Variants in ASIC2 observed in about 807,000 individuals in gnomAD.
The protein encoded by ASIC2 is acid-sensing ion channel 2.
Under a neutral mutation model 57.3 loss-of-function variants are expected in ASIC2, and 25 were observed. The observed-to-expected ratio is 0.44, with a 90% CI of 0.32 to 0.61. The LOEUF (loss-of-function observed/expected upper bound fraction) is 0.61. Ranked by LOEUF, ASIC2 falls within the 20% of genes least tolerant of loss-of-function variation. ASIC2 has a pLI of 0.06. For synonymous variants in ASIC2, 319 were observed against 307.5 expected, an observed-to-expected ratio of 1.04 and a Z score of -0.39; for missense variants, 641 against 738.1, an observed-to-expected ratio of 0.87 and a Z score of 1.52.
intron 1 of ASIC2, among the ~76,000 whole-genome samples, chr17:33,231,287 G>A (rs1332680456): frequency 6.6e-6 from 1 of 152,196 alleles, no homozygotes; most frequent in Non-Finnish European, 1.5e-5. Context: ...TGCCTCCCAG[G>A]CCTAGGCCTA....
At position 33,412,174 on chromosome 17, in the gene ASIC2, C is replaced by T. The variant is rs114728853; in HGVS notation, c.556-300107G>A. ...GGCCAGTTTTCATCGCTCCTTGATC[C>T]TATTGCTTTTTCTCAAGCTAAAAAG... On this transcript the variant is annotated intron_variant, in intron 1 of 9. Coordinates refer to the ASIC2 transcript ENST00000359872. 4.5e-3 allele frequency among the ~76,000 whole-genome samples: 691 copies of T among 152,294 alleles called. 5 individuals are homozygous for T. Among genetic ancestry groups the T allele is most frequent in the African/African-American group, 0.016 (656 of 41,550 alleles).
At chr17:33,755,965 T>A (rs1294242271) in intron 1 of ASIC2, among the ~76,000 whole-genome samples, 4 of 151,896 alleles carry the variant, frequency 2.6e-5, no homozygotes, top group African/African-American at 9.7e-5. Context: ...GGGAAGGGAG[T>A]GGGCATCATG....
intron 1 of ASIC2, among the ~76,000 whole-genome samples, chr17:33,610,163 C>T (rs930083995): frequency 3.3e-5 from 5 of 151,876 alleles, no homozygotes; most frequent in African/African-American, 4.8e-5. Context: ...CCCTATTTTG[C>T]CTCTGTTTTT....
At chr17:33,097,159 C>A (rs1020148856) in intron 2 of ASIC2, among the ~76,000 whole-genome samples, 10 of 152,308 alleles carry the variant, frequency 6.6e-5, no homozygotes, top group Admixed American at 5.2e-4. Flanking sequence ...CATCACTGAC[C>A]ACATTCTTCA....
chr17:33,460,310 G>A (rs1912592328), intron 1 of ASIC2, among the ~76,000 whole-genome samples: 1 of 152,302 alleles, frequency 6.6e-6, no homozygotes, highest in South Asian at 2.1e-4. Context: ...AAGGGGATGG[G>A]GTGGATGGGC....
chr17:33,143,274 C>T (rs1904404739), intron 1 of ASIC2, among the ~76,000 whole-genome samples: 1 of 152,134 alleles, frequency 6.6e-6, no homozygotes, highest in Non-Finnish European at 1.5e-5. Context: ...ATAGGTTGGA[C>T]TTGAGGTGTG....
chr17:33,814,486 T>C (rs1912520837), intron 1 of ASIC2, among the ~76,000 whole-genome samples: 1 of 152,210 alleles, frequency 6.6e-6, no homozygotes, highest in African/African-American at 2.4e-5. Flanking sequence ...AATTTATTGA[T>C]TGACTCTTCA....
At chr17:33,564,911 T>C (rs1053271190) in intron 1 of ASIC2, among the ~76,000 whole-genome samples, 6 of 152,252 alleles carry the variant, frequency 3.9e-5, no homozygotes, top group African/African-American at 1.4e-4. Flanking sequence ...TAGCCCAACC[T>C]ATTCCTTTAA....
chr17:33,548,370 G>C (rs776146979), intron 1 of ASIC2, among the ~76,000 whole-genome samples: 1 of 152,210 alleles, frequency 6.6e-6, no homozygotes, highest in Non-Finnish European at 1.5e-5. Context: ...ATGGGCTAAA[G>C]ATACGCTCAG....
intron 1 of ASIC2, among the ~76,000 whole-genome samples, chr17:33,481,609 G>A (rs542310635): frequency 2.6e-5 from 4 of 152,140 alleles, no homozygotes; most frequent in South Asian, 2.1e-4. Context: ...AGAAATAGTC[G>A]TTGAATAATT....
intron 1 of ASIC2, among the ~76,000 whole-genome samples, chr17:33,957,254 C>T (rs1273812454): frequency 6.6e-6 from 1 of 152,152 alleles, no homozygotes; most frequent in Non-Finnish European, 1.5e-5. Flanking sequence ...TCCAGGCAAC[C>T]TCAAGCACAA....
intron 1 of ASIC2, among the ~76,000 whole-genome samples, chr17:33,380,063 T>G (rs559477662): frequency 2.0e-5 from 3 of 151,934 alleles, no homozygotes; most frequent in African/African-American, 7.2e-5. Flanking sequence ...CTGGCCAGCA[T>G]AGTGAAACCC....
chr17:33,558,566 G>A (rs954422198), intron 1 of ASIC2, among the ~76,000 whole-genome samples: 18 of 152,154 alleles, frequency 1.2e-4, no homozygotes, highest in Admixed American at 3.3e-4. Context: ...TACATCTAGT[G>A]TAGTCCTTAC....
intron 1 of ASIC2, among the ~76,000 whole-genome samples, chr17:33,737,044 T>C (rs1032347628): frequency 6.6e-6 from 1 of 152,280 alleles, no homozygotes; most frequent in African/African-American, 2.4e-5. Context: ...TCATATTTTA[T>C]TGTTTGGAGA....
intron 1 of ASIC2, chr17:34,037,545 T>C (rs1348279621): frequency 1.5e-6 from 2 of 1,364,904 alleles, no homozygotes; most frequent in Non-Finnish European, 2.0e-6. Context: ...TCGGATTCGC[T>C]ATGTTCCAAA....
At chr17:33,227,567 G>A (rs1907936492) in intron 1 of ASIC2, among the ~76,000 whole-genome samples, 1 of 152,098 alleles carries the variant, frequency 6.6e-6, no homozygotes. Flanking sequence ...GATGCTGTTA[G>A]ACCTCTTCAA....
chr17:33,063,806 G>T (rs1210454267), intron 3 of ASIC2, among the ~76,000 whole-genome samples: 1 of 152,114 alleles, frequency 6.6e-6, no homozygotes, highest in Non-Finnish European at 1.5e-5. Flanking sequence ...CCAATCAGAC[G>T]TAGATTTGGT....
chr17:33,492,727 C>A (rs1007386409), intron 1 of ASIC2, among the ~76,000 whole-genome samples: 1 of 152,190 alleles, frequency 6.6e-6, no homozygotes, highest in African/African-American at 2.4e-5. Flanking sequence ...GCTGGGGGGA[C>A]ACATCTCTAC....
intron 1 of ASIC2, among the ~76,000 whole-genome samples, chr17:34,029,949 G>A (rs11655143): frequency 0.094 from 14,374 of 152,182 alleles, 924 homozygotes; most frequent in South Asian, 0.19. Flanking sequence ...CAGAGGAATT[G>A]AATTCACATA....
Sources: allele counts gnomAD v4.1 joint callset (sites outside exome capture counted in the v4.1 genomes callset), GRCh38; gene constraint gnomAD v4.1.1; transcripts MANE v1.5; gene names NCBI Gene and HGNC (gene_info 2026-07-23, HGNC 2026-07-21).